The following NLRP8 variants were observed in gnomAD, a reference collection of about 807,000 sequenced individuals.
NLRP8 encodes NACHT, LRR and PYD domains-containing protein 8.
In NLRP8, 86 loss-of-function variants were observed where a neutral mutation model predicts 88.7. That is an observed-to-expected ratio of 0.97 (90% CI 0.81 to 1.16). NLRP8 has a LOEUF of 1.16. Ranked by LOEUF, NLRP8 falls within the 50% of genes most tolerant of loss-of-function variation. The pLI is 0.00. For synonymous variants in NLRP8, 504 were observed against 494.6 expected (o/e 1.02, Z -0.25); for missense variants, 1,342 against 1,286.5 (o/e 1.04, Z -0.66).
chr19:55,986,902 C>G (rs759858228), intron 9 of NLRP8, among the ~76,000 whole-genome samples: 1 of 152,184 alleles, frequency 6.6e-6, no homozygotes, highest in Non-Finnish European at 1.5e-5. Context: ...ATTGAGCTTA[C>G]TAGGTGCCCC....
At chr19:55,975,704 T>C (rs926913665) in intron 7 of NLRP8, among the ~76,000 whole-genome samples, 7 of 152,302 alleles carry the variant, frequency 4.6e-5, no homozygotes, top group African/African-American at 1.7e-4. Context: ...CATGATTCCA[T>C]TTAAATGACA....
chr19:55,949,806 G>A (rs910628804), intron 1 of NLRP8, among the ~76,000 whole-genome samples: 5 of 152,170 alleles, frequency 3.3e-5, no homozygotes, highest in Non-Finnish European at 5.9e-5. Context: ...GGTGCCTTAC[G>A]TCTCCTTAGC....
intron 1 of NLRP8, among the ~76,000 whole-genome samples, chr19:55,950,790 C>T (rs141533248): frequency 1.5e-3 from 228 of 152,258 alleles, no homozygotes; most frequent in African/African-American, 4.9e-3. Context: ...TCTGAAAGGC[C>T]GAGGTGGGGC....
chr19:55,986,477 C>CACACACACACACACACAT (rs1980838093), intron 9 of NLRP8, among the ~76,000 whole-genome samples: 1 of 133,448 alleles, frequency 7.5e-6, no homozygotes, highest in African/African-American at 3.0e-5. Flanking sequence ...CTCACATACA[C>CACACACACACACACACAT]ACACACACAC....
rs1292155982 is a variant in NLRP8, at chr19:55,979,390, A to G, written c.2877-4A>G. 1.9e-6 allele frequency: 3 copies of G among 1,613,136 alleles called. No individual in the cohort carries two copies. The African/African-American group carries it at 4.0e-5, about 22-fold the overall frequency. ...GCTGTCTGCTGTCTGTTTCTGTGTC[A>G]CAGGCTGGAAAACTGCCTGTTCACC... On this transcript the variant is annotated splice_polypyrimidine_tract_variant and splice_region_variant and intron_variant, in intron 8 of 9. Transcript: ENST00000291971.
intron 9 of NLRP8, among the ~76,000 whole-genome samples, chr19:55,984,907 T>G (rs947785770): frequency 2.0e-5 from 3 of 152,206 alleles, no homozygotes; most frequent in Non-Finnish European, 4.4e-5. Flanking sequence ...ACACTGTCTT[T>G]CAAAGATGAC....
chr19:55,987,736 G>A lies in NLRP8; in HGVS notation c.3048-78G>A, dbSNP rs894370654. 12 of 1,067,626 alleles carry A rather than the reference G, an allele frequency of 1.1e-5. No individual in the cohort carries two copies. In the African/African-American group the frequency reaches 1.2e-4, roughly 11 times the overall value. 66.1% of individuals were successfully genotyped at this position (1,067,626 alleles called of 1,614,324 possible). A position where few individuals can be genotyped will look rare whatever the true frequency, so the allele number is the denominator to read the frequency against. ...GTACGGTCTGTAGAAAAAGCATAGA[G>A]ACAAAATGCAAGCTTAGGGAAGTCA... On this transcript the variant is annotated intron_variant, in intron 9 of 9. Transcript: ENST00000291971.
chr19:55,987,730 C>T, intron 9 of NLRP8: 3 of 986,046 alleles, frequency 3.0e-6, no homozygotes, highest in East Asian at 2.4e-5. Flanking sequence ...GTAGAAAAAG[C>T]ATAGAGACAA....
chr19:55,962,335 G>A (rs999326418), intron 4 of NLRP8, 98 bp downstream of exon 4: 2 of 1,307,450 alleles, frequency 1.5e-6, no homozygotes, highest in African/African-American at 2.9e-5. Flanking sequence ...TAGACTTCCG[G>A]AAAGCACCCA....
In NLRP8 at chr19:55,987,436, C is replaced by G. The variant is rs180891820; in HGVS notation, c.3048-378C>G. The stretch of plus-strand genomic sequence containing the variant: ...ATGTCAGGATTAGCTAATGTCTGGT[C>G]TGCATTTGGTAGGAGTCCAGAGGGT... On this transcript the variant is annotated intron_variant, in intron 9 of 9. Transcript: ENST00000291971. Among the ~76,000 whole-genome samples, 377 of 152,334 alleles carry G rather than the reference C, an allele frequency of 2.5e-3. 1 individual carries two copies. The highest frequency in any genetic ancestry group is 3.9e-3 in the Non-Finnish European group (263 of 68,044).
chr19:55,982,137 C>G (rs1407314920), intron 9 of NLRP8, among the ~76,000 whole-genome samples: 1 of 152,096 alleles, frequency 6.6e-6, no homozygotes, highest in Non-Finnish European at 1.5e-5. Flanking sequence ...CTCTTGACCT[C>G]GTGATTTGCC....
chr19:55,984,487 T>C (rs1407562847), intron 9 of NLRP8, among the ~76,000 whole-genome samples: 1 of 150,406 alleles, frequency 6.6e-6, no homozygotes, highest in Non-Finnish European at 1.5e-5. Context: ...AAACCCCGTC[T>C]CTACTAAAAA....
intron 2 of NLRP8, among the ~76,000 whole-genome samples, chr19:55,953,978 T>C (rs1469078475): frequency 6.6e-6 from 1 of 151,416 alleles, no homozygotes; most frequent in Non-Finnish European, 1.5e-5. Context: ...TAATTTTGTA[T>C]TTTTAGTAGA....
chr19:55,986,615 G>T (rs565157080), intron 9 of NLRP8, among the ~76,000 whole-genome samples: 213 of 152,348 alleles, frequency 1.4e-3, no homozygotes, highest in African/African-American at 5.0e-3. Context: ...ACCTGTAAGT[G>T]GTGCACACAG....
Position 55,947,936 on chromosome 19 carries a change from A to C in NLRP8, c.34A>C (p.Ile12Leu), listed in dbSNP as rs77942970. Residue 12 changes from isoleucine (I) to leucine (L), a missense_variant, in exon 1 of 10, where the codon ATT becomes CTT. Coordinates refer to ENST00000291971, the MANE Select transcript of NLRP8 (RefSeq NM_176811.2). ...CGTGAATCCACCCTCTGACACCCCC[A>C]TTCCCTTTTCATCCTCCTCCACTCA... The C allele has an allele frequency of 4.9e-3, 7,859 of 1,613,690 alleles. 30 individuals are homozygous for C. Among genetic ancestry groups the C allele is most frequent in the Non-Finnish European group, 6.2e-3 (7,266 of 1,179,814 alleles).
At position 55,966,365 on chromosome 19, in the gene NLRP8, G is replaced by A. The variant is rs142437909; in HGVS notation, c.2366G>A (p.Arg789His). 1.8e-4 allele frequency: 290 copies of A among 1,613,802 alleles called. 3 individuals are homozygous for A. The Admixed American group carries it at 2.1e-3, about 12-fold the overall frequency. Residue 789 changes from arginine to histidine, a missense_variant, in exon 5 of 10, where the codon CGT becomes CAT. Coordinates refer to ENST00000291971, the MANE Select transcript of NLRP8 (RefSeq NM_176811.2). ...AGGGTGCTGAGATCCCCCCGGTGCC[G>A]TCTGCAGTGTCTCAGGTGAGATTTG...
intron 5 of NLRP8, among the ~76,000 whole-genome samples, chr19:55,966,687 C>T (rs148586473): frequency 4.6e-5 from 7 of 152,038 alleles, no homozygotes; most frequent in Non-Finnish European, 8.8e-5. Flanking sequence ...ACTGTAATTA[C>T]GGGCTGTAAT....
chr19:55,952,469 C>A, intron 1 of NLRP8, 69 bp from the exon 2 acceptor site: 2 of 1,310,608 alleles, frequency 1.5e-6, no homozygotes, highest in Non-Finnish European at 2.2e-6. Context: ...AGGCCATTGG[C>A]TCCATGCTGT....
At chr19:55,966,477 T>C (rs1979849118) in intron 5 of NLRP8, 97 bp downstream of exon 5, 3 of 1,180,802 alleles carry the variant, frequency 2.5e-6, no homozygotes, top group Non-Finnish European at 3.6e-6. Context: ...TGTCCTTTCC[T>C]TTGATCTGCT....
Sources: gnomAD v4.1 joint callset for allele counts (sites outside exome capture counted in the v4.1 genomes callset) on GRCh38, gnomAD v4.1.1 for gene constraint, MANE v1.5 for transcripts, NCBI Gene and HGNC (gene_info 2026-07-23, HGNC 2026-07-21) for gene names.